The following TTC27 variants were observed in gnomAD, a reference collection of about 807,000 sequenced individuals.
TTC27 encodes tetratricopeptide repeat domain 27.
Under a neutral mutation model 115.9 loss-of-function variants are expected in TTC27, and 79 were observed. That is an observed-to-expected ratio of 0.68 (90% CI 0.57 to 0.82). The LOEUF (loss-of-function observed/expected upper bound fraction) is 0.82. Ranked by LOEUF, TTC27 falls within the 40% of genes least tolerant of loss-of-function variation. The pLI, the probability that TTC27 is intolerant of heterozygous loss-of-function variation, is 0.00. For missense variants in TTC27, 1,054 were observed against 993.1 expected, an observed-to-expected ratio of 1.06 and a Z score of -0.82; for synonymous variants, 401 against 356.0, an observed-to-expected ratio of 1.13 and a Z score of -1.42.
Position 32,673,685 on chromosome 2 carries a change from T to C in TTC27, c.1052+1301T>C, listed in dbSNP as rs115136682. 4.2e-3 allele frequency among the ~76,000 whole-genome samples: 636 copies of C among 152,312 alleles called. 4 individuals carry two copies. The highest frequency in any genetic ancestry group is 0.014 in the African/African-American group (562 of 41,552). On this transcript the variant is annotated intron_variant, in intron 8 of 19. Transcript: ENST00000317907. ...GTTTGCTAGGCTTCTCCAAAGTTAT[T>C]CATTTATTTTGTAATTAACATTTTA...
chr2:32,654,995 CT>C (rs34907715), intron 5 of TTC27, among the ~76,000 whole-genome samples: 93 of 138,956 alleles, frequency 6.7e-4, no homozygotes, highest in African/African-American at 1.6e-3. Context: ...TGCGTCTGGC[CT>C]TTTTTTTTTT....
At chr2:32,714,562 G>A (rs374227559) in intron 10 of TTC27, among the ~76,000 whole-genome samples, 8 of 152,288 alleles carry the variant, frequency 5.3e-5, no homozygotes, top group African/African-American at 1.9e-4. Flanking sequence ...ACACACACAT[G>A]TGTCTTTATG....
chr2:32,636,628 T>C (rs1041094479), intron 3 of TTC27, among the ~76,000 whole-genome samples: 5 of 152,206 alleles, frequency 3.3e-5, no homozygotes, highest in Non-Finnish European at 7.3e-5. Context: ...AGCTGGGGCA[T>C]TGGAATCCAC....
Position 32,767,532 on chromosome 2 carries a change from G to T in TTC27, c.1680+9013G>T, listed in dbSNP as rs187620711. Among the ~76,000 whole-genome samples the T allele has an allele frequency of 9.3e-3, 1,352 of 144,904 alleles. 12 individuals carry two copies. Among genetic ancestry groups the T allele is most frequent in the Middle Eastern group, 0.028 (7 of 252 alleles). ...TGCGGACTGCAGTGGCGCAATCTCG[G>T]CTCACTGCAAGCTCCGCTTCCCAGG... On this transcript the variant is annotated intron_variant, in intron 13 of 19. Transcript: ENST00000317907.
At chr2:32,814,070 G>A (rs1286656757) in intron 18 of TTC27, among the ~76,000 whole-genome samples, 1 of 152,106 alleles carries the variant, frequency 6.6e-6, no homozygotes, top group East Asian at 1.9e-4. Flanking sequence ...TAATTAGCAG[G>A]ATGGGATTTA....
intron 13 of TTC27, among the ~76,000 whole-genome samples, chr2:32,771,234 T>C (rs1357079117): frequency 6.6e-6 from 1 of 152,244 alleles, no homozygotes; most frequent in African/African-American, 2.4e-5. Context: ...AGCCAGTATA[T>C]GTTAGGTGTC....
chr2:32,690,055 G>A (rs1666760566), intron 9 of TTC27, among the ~76,000 whole-genome samples: 1 of 152,176 alleles, frequency 6.6e-6, no homozygotes, highest in South Asian at 2.1e-4. Flanking sequence ...GTCATCATGA[G>A]TAGGTTTTTG....
In TTC27 at chr2:32,777,866, C is replaced by G. The variant is rs138620919; in HGVS notation, c.1681-16C>G. ...TTTCTGTGTGTTTGAATGACTTTGA[C>G]TTTTGGTCTTTGCAGCTCGGGGTGT... On this transcript the variant is annotated splice_polypyrimidine_tract_variant and intron_variant, in intron 13 of 19. Transcript: ENST00000317907. The G allele has an allele frequency of 6.2e-7, 1 of 1,612,652 alleles. No individual in the cohort carries two copies. The highest frequency in any genetic ancestry group is 2.2e-5 in the East Asian group (1 of 44,844).
chr2:32,753,697 C>T (rs1283667940), intron 12 of TTC27, among the ~76,000 whole-genome samples: 4 of 152,118 alleles, frequency 2.6e-5, no homozygotes, highest in Non-Finnish European at 5.9e-5. Flanking sequence ...TCCGCCCACA[C>T]TGGTCTCCCA....
At chr2:32,708,415 G>A (rs1401514589) in intron 10 of TTC27, among the ~76,000 whole-genome samples, 1 of 147,382 alleles carries the variant, frequency 6.8e-6, no homozygotes, top group Admixed American at 6.9e-5. Context: ...GGGTTCAAGC[G>A]ATTCTCTTGC....
At chr2:32,760,558 C>A (rs1485479621) in intron 13 of TTC27, among the ~76,000 whole-genome samples, 1 of 152,172 alleles carries the variant, frequency 6.6e-6, no homozygotes. Context: ...CCTCCTCTAA[C>A]TTGATTATCA....
intron 9 of TTC27, among the ~76,000 whole-genome samples, chr2:32,689,442 C>CA (rs1666742061): frequency 1.3e-5 from 2 of 152,124 alleles, no homozygotes; most frequent in African/African-American, 2.4e-5. Flanking sequence ...AAGTACAACA[C>CA]AAACTATTCA....
chr2:32,774,615 C>T (rs1031391741), intron 13 of TTC27, among the ~76,000 whole-genome samples: 1 of 152,030 alleles, frequency 6.6e-6, no homozygotes, highest in African/African-American at 2.4e-5. Context: ...TTTGAAGCTT[C>T]TTTTGATTTT....
chr2:32,812,495 C>A lies in TTC27; in HGVS notation c.2197-9C>A. The A allele has an allele frequency of 1.3e-6, 2 of 1,594,354 alleles. No individual in the cohort carries two copies. The highest frequency in any genetic ancestry group is 8.6e-7 in the Non-Finnish European group (1 of 1,163,556). On this transcript the variant is annotated splice_polypyrimidine_tract_variant and intron_variant, in intron 17 of 19. Coordinates refer to ENST00000317907, the MANE Select transcript of TTC27 (RefSeq NM_017735.5). ...GTTATTCTGAATGTTGTTCTTTCTC[C>A]TTCCTCAGGCATTCCAGTGCCTCTC...
intron 13 of TTC27, among the ~76,000 whole-genome samples, chr2:32,775,655 G>A (rs1669972740): frequency 6.6e-6 from 1 of 151,956 alleles, no homozygotes; most frequent in South Asian, 2.1e-4. Flanking sequence ...AGTAAACTTG[G>A]TATCATAATT....
At chr2:32,666,981 C>T (rs1048309801) in intron 7 of TTC27, among the ~76,000 whole-genome samples, 3 of 146,562 alleles carry the variant, frequency 2.0e-5, no homozygotes, top group African/African-American at 7.6e-5. Context: ...TTTTTTTTTC[C>T]TAACCTGTAT....
intron 19 of TTC27, among the ~76,000 whole-genome samples, chr2:32,818,455 C>T (rs1671579046): frequency 6.6e-6 from 1 of 152,294 alleles, no homozygotes; most frequent in South Asian, 2.1e-4. Flanking sequence ...CAAAAACTAA[C>T]TTGTGTACCA....
chr2:32,786,103 TCCTC>T, intron 15 of TTC27, among the ~76,000 whole-genome samples: 1 of 147,512 alleles, frequency 6.8e-6, no homozygotes, highest in East Asian at 2.0e-4. Flanking sequence ...TTTTTGTCAC[TCCTC>T]CCTCTCCCCC....
At chr2:32,779,380 A>G (rs1670100339) in intron 14 of TTC27, among the ~76,000 whole-genome samples, 1 of 151,172 alleles carries the variant, frequency 6.6e-6, no homozygotes, top group Non-Finnish European at 1.5e-5. Context: ...TTCAATTTGC[A>G]TGTTTTGGAT....
Sources: gnomAD v4.1 joint callset for allele counts (sites outside exome capture counted in the v4.1 genomes callset) on GRCh38, gnomAD v4.1.1 for gene constraint, MANE v1.5 for transcripts, NCBI Gene and HGNC (gene_info 2026-07-23, HGNC 2026-07-21) for gene names.